Variants in NRG1 observed in about 807,000 individuals in gnomAD.
NRG1 encodes the protein pro-neuregulin-1, membrane-bound isoform.
A neutral mutation model predicts 63.8 loss-of-function variants in NRG1; 18 were observed. That is an observed-to-expected ratio of 0.28 (90% CI 0.19 to 0.42). NRG1 has a LOEUF of 0.42. Ranked by LOEUF, NRG1 falls within the 10% of genes least tolerant of loss-of-function variation. The pLI is 1.00. For synonymous variants in NRG1, 302 were observed against 301.3 expected (o/e 1.00, Z -0.02); for missense variants, 762 against 814.7 (o/e 0.94, Z 0.79).
At chr8:32,457,212 G>A (rs760389599) in intron 1 of NRG1, among the ~76,000 whole-genome samples, 18 of 152,066 alleles carry the variant, frequency 1.2e-4, no homozygotes, top group Non-Finnish European at 2.1e-4. Flanking sequence ...ATCACAGTTC[G>A]ACCTACATGG....
intron 1 of NRG1, among the ~76,000 whole-genome samples, chr8:31,825,832 A>G (rs1357896145): frequency 1.3e-5 from 2 of 152,222 alleles, no homozygotes; most frequent in African/African-American, 2.4e-5. Flanking sequence ...ACAAATGCCT[A>G]TTGAGTGTCA....
intron 1 of NRG1, among the ~76,000 whole-genome samples, chr8:31,909,414 TCAGAGTTCTTCCATGCTGATG>T (rs1284452958): frequency 1.3e-5 from 2 of 152,040 alleles, no homozygotes; most frequent in Non-Finnish European, 2.9e-5. Flanking sequence ...GGCTTAATCT[TCAGAGTTCTTCCATGCTGATG>T]CATGGAAGAC....
At chr8:32,066,877 G>T (rs1324282147) in intron 1 of NRG1, among the ~76,000 whole-genome samples, 1 of 151,880 alleles carries the variant, frequency 6.6e-6, no homozygotes, top group Non-Finnish European at 1.5e-5. Flanking sequence ...GCAGTGGTTT[G>T]TAGTTCTCCT....
intron 1 of NRG1, among the ~76,000 whole-genome samples, chr8:32,481,503 G>C (rs1465677966): frequency 1.3e-5 from 2 of 152,204 alleles, no homozygotes; most frequent in Non-Finnish European, 2.9e-5. Context: ...CATTATCATG[G>C]TCCATAGATA....
intron 1 of NRG1, among the ~76,000 whole-genome samples, chr8:32,434,631 C>T (rs1260813192): frequency 1.3e-5 from 2 of 152,026 alleles, no homozygotes; most frequent in Admixed American, 6.6e-5. Flanking sequence ...AAGCCCAGAG[C>T]CTCCATTCCA....
intron 1 of NRG1, among the ~76,000 whole-genome samples, chr8:32,269,414 A>G (rs1022994389): frequency 2.0e-5 from 3 of 152,190 alleles, no homozygotes; most frequent in Non-Finnish European, 4.4e-5. Context: ...AATGTTTCCC[A>G]TTACATCCTG....
chr8:32,399,580 C>G (rs909950057), intron 1 of NRG1, among the ~76,000 whole-genome samples: 3 of 152,162 alleles, frequency 2.0e-5, no homozygotes, highest in Non-Finnish European at 4.4e-5. Context: ...TGGCAAGTGC[C>G]TGTAATCCCA....
intron 1 of NRG1, among the ~76,000 whole-genome samples, chr8:31,947,494 T>C (rs1188836080): frequency 6.6e-6 from 1 of 152,194 alleles, no homozygotes; most frequent in Non-Finnish European, 1.5e-5. Context: ...AGTATTACTC[T>C]GGGCCAGGTA....
chr8:31,879,281 A>G (rs910531735), intron 1 of NRG1, among the ~76,000 whole-genome samples: 9 of 152,200 alleles, frequency 5.9e-5, no homozygotes, highest in African/African-American at 2.2e-4. Flanking sequence ...AACTTTACCC[A>G]TTAATGTGAA....
At chr8:32,714,870 A>T (rs1350070223) in intron 5 of NRG1, among the ~76,000 whole-genome samples, 1 of 152,218 alleles carries the variant, frequency 6.6e-6, no homozygotes, top group Non-Finnish European at 1.5e-5. Context: ...TAGCTCCCCA[A>T]GCATGAGCTT....
At chr8:31,738,415 T>C (rs1040622945) in intron 1 of NRG1, among the ~76,000 whole-genome samples, 2 of 152,264 alleles carry the variant, frequency 1.3e-5, no homozygotes, top group East Asian at 3.9e-4. Context: ...CTGATATTCA[T>C]GATAAAAATC....
chr8:31,821,427 A>AGCGTCAT (rs1355581144), intron 1 of NRG1, among the ~76,000 whole-genome samples: 3 of 152,194 alleles, frequency 2.0e-5, no homozygotes, highest in African/African-American at 7.2e-5. Flanking sequence ...TGGAACTACA[A>AGCGTCAT]GCGTCATGGC....
intron 7 of NRG1, chr8:32,750,951 G>T (rs1238553404): frequency 1.3e-5 from 2 of 152,028 alleles, no homozygotes; most frequent in African/African-American, 2.4e-5. Flanking sequence ...TATCCTGCAG[G>T]GAGGGAAAAA....
chr8:32,249,558 TC>T (rs1298801209), intron 1 of NRG1, among the ~76,000 whole-genome samples: 9 of 152,132 alleles, frequency 5.9e-5, no homozygotes, highest in African/African-American at 1.7e-4. Flanking sequence ...AAGTCATTAA[TC>T]CCCTCTCAGA....
chr8:32,262,184 C>G (rs1471652085), intron 1 of NRG1, among the ~76,000 whole-genome samples: 1 of 152,138 alleles, frequency 6.6e-6, no homozygotes, highest in Non-Finnish European at 1.5e-5. Flanking sequence ...ACCCTGAAAA[C>G]TTAGGAAAAA....
At chr8:31,895,226 T>C (rs981904797) in intron 1 of NRG1, among the ~76,000 whole-genome samples, 5 of 152,246 alleles carry the variant, frequency 3.3e-5, no homozygotes, top group East Asian at 1.9e-4. Context: ...TTTCATTTTA[T>C]TGATTTTTTT....
rs1262031686 is a variant in NRG1, at chr8:32,210,217, T to C, written c.38-385611T>C. 2.0e-5 allele frequency among the ~76,000 whole-genome samples: 3 copies of C among 152,208 alleles called. No individual in the cohort carries two copies. In the East Asian group the frequency reaches 5.8e-4, roughly 29 times the overall value. On this transcript the variant is annotated intron_variant, in intron 1 of 10. Coordinates refer to the NRG1 transcript ENST00000519301. Reference sequence around the variant, plus strand: ...AAGAGGTTTTTTTGTGTTTGTTTTTTGTTTTTTTCTAAAATGGGTTATACC... The same window carrying C: ...AAGAGGTTTTTTTGTGTTTGTTTTTCGTTTTTTTCTAAAATGGGTTATACC...
intron 1 of NRG1, among the ~76,000 whole-genome samples, chr8:32,109,227 A>G (rs1831677356): frequency 6.6e-6 from 1 of 152,144 alleles, no homozygotes; most frequent in African/African-American, 2.4e-5. Context: ...ACATCTTCCC[A>G]CTTTCATGCA....
At chr8:32,057,458 G>C (rs1823131660) in intron 1 of NRG1, among the ~76,000 whole-genome samples, 1 of 152,106 alleles carries the variant, frequency 6.6e-6, no homozygotes, top group Admixed American at 6.6e-5. Context: ...TCATTCTTCA[G>C]CTTCTGACAT....
Sources: gnomAD v4.1 joint callset for allele counts (sites outside exome capture counted in the v4.1 genomes callset) on GRCh38, gnomAD v4.1.1 for gene constraint, MANE v1.5 for transcripts, NCBI Gene and HGNC (gene_info 2026-07-23, HGNC 2026-07-21) for gene names.